Variants in HGF observed in about 807,000 individuals in gnomAD.
The protein encoded by HGF is fibroblast-derived tumor cytotoxic factor.
In HGF, 39 loss-of-function variants were observed where a neutral mutation model predicts 111.6. The observed-to-expected ratio is 0.35, with a 90% CI of 0.27 to 0.46. The LOEUF (loss-of-function observed/expected upper bound fraction) is 0.46. Among genes scored for constraint, HGF ranks in the 20% least tolerant of loss-of-function variants. The pLI, the probability that HGF is intolerant of heterozygous loss-of-function variation, is 1.00. For missense variants in HGF, 735 were observed against 910.5 expected (o/e 0.81, Z 2.48); for synonymous variants, 285 against 294.8 (o/e 0.97, Z 0.34).
At chr7:81,745,304 C>T (rs1788192805) in intron 5 of HGF, among the ~76,000 whole-genome samples, 184 bp from the exon 6 acceptor site, 1 of 152,134 alleles carries the variant, frequency 6.6e-6, no homozygotes, top group African/African-American at 2.4e-5. Context: ...CTATAGAACA[C>T]ATCATACAGT....
chr7:81,744,875 C>T, intron 6 of HGF, 125 bp downstream of exon 6: 1 of 1,102,648 alleles, frequency 9.1e-7, no homozygotes, highest in Non-Finnish European at 1.3e-6. Context: ...TCTGGGAGTT[C>T]TAAATGTTAT....
In HGF at chr7:81,701,466, T is replaced by G. The variant is rs760241049; in HGVS notation, c.*1115A>C. The G allele has an allele frequency of 6.6e-6, 1 of 151,554 alleles. No individual in the cohort carries two copies. Among genetic ancestry groups the G allele is most frequent in the Non-Finnish European group, 1.5e-5 (1 of 67,640 alleles). 9.4% of individuals were successfully genotyped at this position (151,554 alleles called of 1,614,324 possible). A position where few individuals can be genotyped will look rare whatever the true frequency, so the allele number is the denominator to read the frequency against. ...AGGGTATTTATAAAACTTTGGAGAC[T>G]TGGAAATTTTCCTCTTAAATTTTTT... On this transcript the variant is annotated 3_prime_UTR_variant, in exon 18 of 18. Coordinates refer to ENST00000222390, the MANE Select transcript of HGF (RefSeq NM_000601.6).
At chr7:81,726,766 A>G (rs1251402994) in intron 8 of HGF, among the ~76,000 whole-genome samples, 1 of 152,034 alleles carries the variant, frequency 6.6e-6, no homozygotes, top group African/African-American at 2.4e-5. Flanking sequence ...AAAAAAATCT[A>G]TGCTAATATT....
intron 7 of HGF, among the ~76,000 whole-genome samples, chr7:81,732,283 A>G (rs1270165254): frequency 2.6e-5 from 4 of 152,210 alleles, no homozygotes; most frequent in Non-Finnish European, 5.9e-5. Context: ...AATAAAATGA[A>G]TATAATATTC....
chr7:81,712,726 C>A (rs1046053680), intron 11 of HGF, among the ~76,000 whole-genome samples: 14 of 152,106 alleles, frequency 9.2e-5, no homozygotes, highest in African/African-American at 3.4e-4. Context: ...GGTTGTCAAT[C>A]CCTGGAAATG....
At chr7:81,736,735 G>T (rs1354444785) in intron 7 of HGF, 2 of 475,942 alleles carry the variant, frequency 4.2e-6, no homozygotes, top group Non-Finnish European at 8.4e-6. Flanking sequence ...AATCATTGTG[G>T]CTGGAACAGA....
intron 12 of HGF, among the ~76,000 whole-genome samples, chr7:81,711,018 A>C (rs766717523): frequency 1.3e-5 from 2 of 152,200 alleles, no homozygotes; most frequent in African/African-American, 2.4e-5. Context: ...GATTAACTGA[A>C]TATCATAGAC....
rs137972574 is a variant in HGF, at chr7:81,727,396, G to T, written c.1041-1379C>A. Among the ~76,000 whole-genome samples, 407 of 152,034 alleles carry T rather than the reference G, an allele frequency of 2.7e-3. 1 individual carries two copies. The highest frequency in any genetic ancestry group is 4.2e-3 in the Non-Finnish European group (286 of 67,942). Reference sequence around the variant, plus strand: ...TTGTGTTGGGTTAGAAAGTCAATAAGTATTAGTCTTATCTCATCAAAGTAA... The same window carrying T: ...TTGTGTTGGGTTAGAAAGTCAATAATTATTAGTCTTATCTCATCAAAGTAA... On this transcript the variant is annotated intron_variant, in intron 8 of 17. Coordinates refer to ENST00000222390, the MANE Select transcript of HGF (RefSeq NM_000601.6).
chr7:81,749,460 T>C (rs1788403717), intron 5 of HGF, among the ~76,000 whole-genome samples: 1 of 152,138 alleles, frequency 6.6e-6, no homozygotes. Context: ...TTCTTAAAAC[T>C]GTCCAATAAA....
intron 6 of HGF, among the ~76,000 whole-genome samples, chr7:81,743,765 A>G (rs185197674): frequency 4.5e-4 from 69 of 152,330 alleles, no homozygotes; most frequent in African/African-American, 1.7e-3. Context: ...ACTTAAGGGC[A>G]GATTACAAAA....
chr7:81,724,294 C>T lies in HGF; in HGVS notation c.1168+1596G>A, dbSNP rs1203447926. 2.0e-5 allele frequency among the ~76,000 whole-genome samples: 3 copies of T among 152,256 alleles called. No individual in the cohort carries two copies. In the East Asian group the frequency reaches 5.8e-4, roughly 29 times the overall value. ...GACTCATCCCCTCTTCCCTCTACAA[C>T]TCTATTTTCAGAGTTGCTCGTGAAG... On this transcript the variant is annotated intron_variant, in intron 9 of 17. Transcript: ENST00000222390.
At chr7:81,765,940 A>G (rs763799204) in intron 1 of HGF, among the ~76,000 whole-genome samples, 1 of 152,196 alleles carries the variant, frequency 6.6e-6, no homozygotes, top group Non-Finnish European at 1.5e-5. Flanking sequence ...AAATGAAATC[A>G]AAGGGTGAGA....
intron 11 of HGF, among the ~76,000 whole-genome samples, chr7:81,713,930 A>C (rs981904267): frequency 7.2e-5 from 11 of 151,928 alleles, no homozygotes; most frequent in African/African-American, 2.4e-4. Flanking sequence ...CTTAAATTTG[A>C]AGAAAGAAAA....
chr7:81,711,387 C>T, intron 12 of HGF, 94 bp downstream of exon 12: 2 of 603,876 alleles, frequency 3.3e-6, no homozygotes, highest in Non-Finnish European at 2.8e-6. Context: ...ATAATGGAAG[C>T]TAATATAGAT....
rs115859795 is a variant in HGF, at chr7:81,757,128, T to A, written c.482+61A>T. On this transcript the variant is annotated intron_variant, in intron 4 of 17. Coordinates refer to ENST00000222390, the MANE Select transcript of HGF (RefSeq NM_000601.6). ...GTAGAATTATTCTGAAGGACTAATA[T>A]GAGACTGTTAACATGTAAAAAAGAC... 5.9e-3 allele frequency: 5,104 copies of A among 864,250 alleles called. 24 individuals are homozygous for A. Among genetic ancestry groups the A allele is most frequent in the African/African-American group, 0.011 (699 of 60,800 alleles). 53.5% of individuals were successfully genotyped at this position (864,250 alleles called of 1,614,324 possible). A position where few individuals can be genotyped will look rare whatever the true frequency, so the allele number is the denominator to read the frequency against.
chr7:81,764,967 G>GA (rs1172552843), intron 1 of HGF, among the ~76,000 whole-genome samples: 2 of 151,746 alleles, frequency 1.3e-5, no homozygotes, highest in Middle Eastern at 3.4e-3. Flanking sequence ...GTTAATTGAT[G>GA]AAAAAAATCT....
rs1438344357 is a variant in HGF, at chr7:81,702,755, C to G, written c.2013G>C (p.Gly671=). 6.2e-7 allele frequency: 1 copy of G among 1,609,780 alleles called. No homozygotes were observed. The highest frequency in any genetic ancestry group is 1.7e-5 in the Admixed American group (1 of 59,658). Residue 671 remains glycine (G), a splice_region_variant and synonymous_variant, in exon 18 of 18, where the codon GGG becomes GGC. Coordinates refer to ENST00000222390, the MANE Select transcript of HGF (RefSeq NM_000601.6). ...AEKIGSGPCE[G]DYGGPLVCEQ... is the part of the protein sequence containing the mutation. Reference sequence around the variant, plus strand: ...CACAAACAAGTGGGCCACCATAATCCCCCTAGGAGTAAGACATACAAAAAC... The same window carrying G: ...CACAAACAAGTGGGCCACCATAATCGCCCTAGGAGTAAGACATACAAAAAC...
rs115913646 is a variant in HGF, at chr7:81,739,361, T to G, written c.865+3992A>C. On this transcript the variant is annotated intron_variant, in intron 7 of 17. Coordinates refer to ENST00000222390, the MANE Select transcript of HGF (RefSeq NM_000601.6). ...CTCATCATACTTCTCTGAAAGCTTT[T>G]TATTCATTGAAATTACATTTTAAGA... Among the ~76,000 whole-genome samples, 1,464 of 152,256 alleles carry G rather than the reference T, an allele frequency of 9.6e-3. 22 individuals carry two copies. Among genetic ancestry groups the G allele is most frequent in the African/African-American group, 0.034 (1,401 of 41,540 alleles).
At chr7:81,740,177 A>G (rs1294272200) in intron 7 of HGF, among the ~76,000 whole-genome samples, 2 of 152,230 alleles carry the variant, frequency 1.3e-5, no homozygotes, top group Admixed American at 6.5e-5. Context: ...GTATATGATA[A>G]AACACGAGTT....
Sources: allele counts gnomAD v4.1 joint callset (sites outside exome capture counted in the v4.1 genomes callset), GRCh38; gene constraint gnomAD v4.1.1; transcripts MANE v1.5; gene names NCBI Gene and HGNC (gene_info 2026-07-23, HGNC 2026-07-21).